Variants in DLG2 observed in about 807,000 individuals in gnomAD.
DLG2 encodes the protein disks large homolog 2.
In DLG2, 45 loss-of-function variants were observed where a neutral mutation model predicts 132.5. The observed-to-expected ratio is 0.34, with a 90% CI of 0.27 to 0.44. The LOEUF (loss-of-function observed/expected upper bound fraction) is 0.44. Among genes scored for constraint, DLG2 ranks in the 20% least tolerant of loss-of-function variants. The pLI is 1.00. For missense variants in DLG2, 1,045 were observed against 1,196.9 expected (o/e 0.87, Z 1.87); for synonymous variants, 424 against 419.6 (o/e 1.01, Z -0.13).
chr11:85,404,186 A>G (rs1438319447), intron 3 of DLG2, among the ~76,000 whole-genome samples: 1 of 152,000 alleles, frequency 6.6e-6, no homozygotes, highest in Non-Finnish European at 1.5e-5. Flanking sequence ...GTTTGAGCTC[A>G]GGAGAGAGAT....
intron 3 of DLG2, among the ~76,000 whole-genome samples, chr11:85,563,917 T>C (rs934112970): frequency 2.6e-5 from 4 of 152,144 alleles, no homozygotes; most frequent in African/African-American, 9.6e-5. Flanking sequence ...TGTACCATTG[T>C]ACATTCCCAC....
intron 18 of DLG2, among the ~76,000 whole-genome samples, chr11:83,690,248 T>A (rs533244164): frequency 6.6e-6 from 1 of 151,084 alleles, no homozygotes; most frequent in African/African-American, 2.4e-5. Context: ...AAAGACCTAA[T>A]CTCATTCATT....
chr11:83,924,280 C>G (rs2078523153), intron 15 of DLG2, among the ~76,000 whole-genome samples: 1 of 151,950 alleles, frequency 6.6e-6, no homozygotes, highest in African/African-American at 2.4e-5. Flanking sequence ...ACATTAAAGG[C>G]CCAGTAAATT....
chr11:83,997,527 G>C (rs1320163758), intron 11 of DLG2, among the ~76,000 whole-genome samples: 2 of 151,768 alleles, frequency 1.3e-5, no homozygotes, highest in Non-Finnish European at 2.9e-5. Context: ...TTGGGGTCAG[G>C]AGACCAGCCT....
intron 3 of DLG2, among the ~76,000 whole-genome samples, chr11:85,397,026 G>A (rs1374284866): frequency 6.6e-6 from 1 of 152,164 alleles, no homozygotes; most frequent in Admixed American, 6.6e-5. Context: ...GGCATCCAAA[G>A]AGAGAGGTTG....
chr11:85,513,680 C>G (rs963100097), intron 3 of DLG2, among the ~76,000 whole-genome samples: 6 of 151,972 alleles, frequency 3.9e-5, no homozygotes, highest in Non-Finnish European at 7.4e-5. Flanking sequence ...TTTTGATCTA[C>G]CCCACCTTTC....
intron 6 of DLG2, among the ~76,000 whole-genome samples, chr11:85,072,796 C>T (rs1052422989): frequency 1.3e-5 from 2 of 151,816 alleles, no homozygotes; most frequent in South Asian, 4.1e-4. Flanking sequence ...TCTTTAGCAA[C>T]ATATCGGTAA....
intron 3 of DLG2, among the ~76,000 whole-genome samples, chr11:85,465,307 A>C (rs1446909609): frequency 6.7e-6 from 1 of 149,638 alleles, no homozygotes; most frequent in African/African-American, 2.4e-5. Flanking sequence ...CAACTGGCTA[A>C]TTTTTTTTTA....
chr11:84,762,363 T>C (rs1190615046), intron 6 of DLG2, among the ~76,000 whole-genome samples: 2 of 152,164 alleles, frequency 1.3e-5, no homozygotes, highest in East Asian at 3.8e-4. Flanking sequence ...ATTATTCTAT[T>C]AGTTAACTTA....
At chr11:84,373,685 G>A (rs777398656) in intron 7 of DLG2, among the ~76,000 whole-genome samples, 7 of 152,036 alleles carry the variant, frequency 4.6e-5, no homozygotes, top group Non-Finnish European at 1.0e-4. Context: ...GTAAATAATC[G>A]TTGAATTATC....
intron 6 of DLG2, among the ~76,000 whole-genome samples, chr11:84,901,391 C>G (rs372353445): frequency 6.6e-6 from 1 of 152,022 alleles, no homozygotes; most frequent in Non-Finnish European, 1.5e-5. Flanking sequence ...GATGCCATAG[C>G]CAAGTTACTC....
intron 17 of DLG2, among the ~76,000 whole-genome samples, chr11:83,827,020 GAA>G (rs1488670770): frequency 2.0e-5 from 3 of 152,090 alleles, no homozygotes; most frequent in Admixed American, 2.0e-4. Flanking sequence ...CTTAGGCAGA[GAA>G]CATCAGTACT....
chr11:84,931,866 T>C (rs1405600952), intron 6 of DLG2, among the ~76,000 whole-genome samples: 1 of 152,226 alleles, frequency 6.6e-6, no homozygotes, highest in Non-Finnish European at 1.5e-5. Flanking sequence ...TCTCTAATAA[T>C]CAGTCATGTT....
At chr11:85,214,807 C>G (rs535531980) in intron 4 of DLG2, among the ~76,000 whole-genome samples, 2 of 152,278 alleles carry the variant, frequency 1.3e-5, no homozygotes, top group South Asian at 4.1e-4. Flanking sequence ...AATAAATACT[C>G]TGTAATAAAT....
intron 6 of DLG2, among the ~76,000 whole-genome samples, chr11:84,554,492 A>T (rs548231742): frequency 6.6e-6 from 1 of 152,256 alleles, no homozygotes; most frequent in South Asian, 2.1e-4. Context: ...CATGCCTGTA[A>T]TCCCAGCACT....
intron 6 of DLG2, among the ~76,000 whole-genome samples, chr11:85,063,559 G>C (rs909781043): frequency 4.0e-5 from 6 of 151,758 alleles, no homozygotes; most frequent in Non-Finnish European, 8.8e-5. Flanking sequence ...GACTTTTAAA[G>C]ACTTATATGG....
intron 11 of DLG2, among the ~76,000 whole-genome samples, chr11:84,010,592 G>C (rs1273395633): frequency 6.6e-6 from 1 of 152,004 alleles, no homozygotes; most frequent in Non-Finnish European, 1.5e-5. Flanking sequence ...ATGAGCTACT[G>C]AGTCTGGCTG....
At chr11:84,558,269 T>A (rs1346402945) in intron 6 of DLG2, among the ~76,000 whole-genome samples, 2 of 152,190 alleles carry the variant, frequency 1.3e-5, no homozygotes, top group East Asian at 1.9e-4. Context: ...CAGCATTCAC[T>A]GTCAGCCACA....
intron 4 of DLG2, among the ~76,000 whole-genome samples, chr11:85,215,603 C>T (rs2082536224): frequency 6.6e-6 from 1 of 152,082 alleles, no homozygotes; most frequent in African/African-American, 2.4e-5. Flanking sequence ...AAAGATGTTC[C>T]AGAAGAATCT....
Sources: allele counts gnomAD v4.1 joint callset (sites outside exome capture counted in the v4.1 genomes callset), GRCh38; gene constraint gnomAD v4.1.1; transcripts MANE v1.5; gene names NCBI Gene and HGNC (gene_info 2026-07-23, HGNC 2026-07-21).